Variants in RAPGEF2 observed in about 807,000 individuals in gnomAD.
RAPGEF2 encodes Rap guanine nucleotide exchange factor 2, also known as PDZ domain containing guanine nucleotide exchange factor (GEF) 1.
In RAPGEF2, 54 loss-of-function variants were observed where a neutral mutation model predicts 186.7. The observed-to-expected ratio is 0.29, with a 90% CI of 0.23 to 0.36. RAPGEF2 has a LOEUF of 0.36. Ranked by LOEUF, RAPGEF2 falls within the 10% of genes least tolerant of loss-of-function variation. The pLI is 1.00. For missense variants in RAPGEF2, 1,532 were observed against 2,045.0 expected (o/e 0.75, Z 4.84); for synonymous variants, 712 against 705.9 (o/e 1.01, Z -0.14).
At position 159,339,122 on chromosome 4, in the gene RAPGEF2, G is replaced by C; in HGVS notation, c.2302G>C (p.Asp768His). The change falls in exon 19 of 30, where the codon GAT (aspartate) becomes CAT (histidine). Residue 768 changes from aspartate (D) to histidine (H), a missense_variant. This residue lies in a region of RAPGEF2 where 810 missense variants were observed against 1,210.5 expected (regional missense o/e 0.67). Transcript: ENST00000691494. ...ATTTTTCTTTCCCCCAGACTTGCCA[G>C]ATCAAGTGCTAAGGGTTTTTAAGGC... The part of the protein sequence containing the change: ...LDFSATPDLP[D>H]QVLRVFKADQ... The C allele has an allele frequency of 3.1e-6, 5 of 1,613,178 alleles. No individual in the cohort carries two copies. The highest frequency in any genetic ancestry group is 3.4e-6 in the Non-Finnish European group (4 of 1,179,292).
intron 3 of RAPGEF2, among the ~76,000 whole-genome samples, chr4:159,194,129 G>A (rs1748385710): frequency 6.6e-6 from 1 of 152,216 alleles, no homozygotes; most frequent in South Asian, 2.1e-4. Flanking sequence ...TCTCAAAGAT[G>A]TGTCCCGGAG....
Position 159,135,488 on chromosome 4 carries a change from A to G in RAPGEF2, c.69+31257A>G, listed in dbSNP as rs537550220. 1.1e-3 allele frequency among the ~76,000 whole-genome samples: 170 copies of G among 152,372 alleles called. 1 individual carries two copies. The highest frequency in any genetic ancestry group is 3.8e-3 in the African/African-American group (160 of 41,594). ...ATGATGCTGTTATAAACATTCATGT[A>G]CAAGATTGCATTTCCTTTAATCATT... is the stretch of plus-strand genomic sequence containing the variant. On this transcript the variant is annotated intron_variant, in intron 1 of 29. Coordinates refer to ENST00000691494, the MANE Select transcript of RAPGEF2 (RefSeq NM_001394067.2).
chr4:159,218,491 C>G (rs1334080966), intron 4 of RAPGEF2, among the ~76,000 whole-genome samples: 2 of 152,274 alleles, frequency 1.3e-5, no homozygotes, highest in African/African-American at 4.8e-5. Flanking sequence ...CGCAGTGGCT[C>G]GTGCCTGTAA....
intron 7 of RAPGEF2, chr4:159,266,918 C>G (rs1466606291): frequency 1.0e-5 from 2 of 191,284 alleles, no homozygotes; most frequent in African/African-American, 4.6e-5. Context: ...GATTCCATCC[C>G]TCTGAGACTT....
intron 7 of RAPGEF2, among the ~76,000 whole-genome samples, chr4:159,292,683 A>G (rs989016343): frequency 6.6e-5 from 10 of 152,230 alleles, no homozygotes; most frequent in Admixed American, 1.3e-4. Context: ...AGCCTATTCA[A>G]TAAATTTTAT....
intron 1 of RAPGEF2, among the ~76,000 whole-genome samples, chr4:159,111,534 A>G (rs1369462371): frequency 6.6e-6 from 1 of 152,200 alleles, no homozygotes; most frequent in Non-Finnish European, 1.5e-5. Context: ...CACCCAACAT[A>G]AAAACGGAGA....
chr4:159,255,511 A>G (rs1393842015), intron 7 of RAPGEF2, among the ~76,000 whole-genome samples: 1 of 152,114 alleles, frequency 6.6e-6, no homozygotes, highest in Non-Finnish European at 1.5e-5. Flanking sequence ...TCTTTCGGTA[A>G]TCAGCTACTA....
chr4:159,342,329 A>G (rs1316630032), intron 20 of RAPGEF2, among the ~76,000 whole-genome samples: 2 of 151,990 alleles, frequency 1.3e-5, no homozygotes, highest in Non-Finnish European at 2.9e-5. Flanking sequence ...TAATGATGTA[A>G]TGTGTGTGGA....
intron 7 of RAPGEF2, among the ~76,000 whole-genome samples, chr4:159,276,315 A>C (rs1348074490): frequency 6.6e-6 from 1 of 152,184 alleles, no homozygotes; most frequent in African/African-American, 2.4e-5. Flanking sequence ...TTAAAAGTAT[A>C]CTTTTGTTCA....
At chr4:159,164,859 T>G (rs921354893) in intron 1 of RAPGEF2, among the ~76,000 whole-genome samples, 2 of 152,236 alleles carry the variant, frequency 1.3e-5, no homozygotes, top group Admixed American at 6.5e-5. Flanking sequence ...TTCCAGCGTA[T>G]TTTGTGACTT....
intron 7 of RAPGEF2, among the ~76,000 whole-genome samples, chr4:159,248,276 G>T (rs867668199): frequency 2.1e-4 from 32 of 152,084 alleles, no homozygotes; most frequent in African/African-American, 7.5e-4. Context: ...AACTGGATTA[G>T]GTAATAAAGA....
chr4:159,278,998 A>G (rs1176212697), intron 7 of RAPGEF2, among the ~76,000 whole-genome samples: 2 of 152,138 alleles, frequency 1.3e-5, no homozygotes, highest in African/African-American at 4.8e-5. Flanking sequence ...ACTGTCCTTA[A>G]GTTGGTTTGC....
At chr4:159,104,437 C>T (rs1024646730) in intron 1 of RAPGEF2, among the ~76,000 whole-genome samples, 2 of 150,730 alleles carry the variant, frequency 1.3e-5, no homozygotes, top group Admixed American at 1.3e-4. Context: ...TGACATTCTG[C>T]TCCTTAACTC....
At chr4:159,218,520 C>G (rs1157661994) in intron 4 of RAPGEF2, among the ~76,000 whole-genome samples, 1 of 152,168 alleles carries the variant, frequency 6.6e-6, no homozygotes, top group Non-Finnish European at 1.5e-5. Flanking sequence ...CTTTGGGAGG[C>G]TGAGGCAGGC....
At chr4:159,180,572 G>T (rs1216801650) in intron 1 of RAPGEF2, among the ~76,000 whole-genome samples, 1 of 152,170 alleles carries the variant, frequency 6.6e-6, no homozygotes, top group African/African-American at 2.4e-5. Flanking sequence ...CATGTGGGAT[G>T]ATGTACTGTA....
intron 7 of RAPGEF2, among the ~76,000 whole-genome samples, chr4:159,277,366 T>C (rs1484408824): frequency 6.6e-6 from 1 of 152,212 alleles, no homozygotes; most frequent in East Asian, 1.9e-4. Context: ...CTATTGTGAG[T>C]AGTGCCACAA....
At chr4:159,216,980 C>G (rs185199945) in intron 4 of RAPGEF2, among the ~76,000 whole-genome samples, 71 of 152,078 alleles carry the variant, frequency 4.7e-4, no homozygotes, top group Non-Finnish European at 1.6e-4. Context: ...AAACAATGAG[C>G]TACTTGAGTT....
chr4:159,324,510 A>G (rs1473341894), intron 11 of RAPGEF2, among the ~76,000 whole-genome samples: 1 of 152,238 alleles, frequency 6.6e-6, no homozygotes, highest in Non-Finnish European at 1.5e-5. Flanking sequence ...ATATGGAAGT[A>G]AAATGCACAT....
At chr4:159,195,734 A>T (rs944553965) in intron 3 of RAPGEF2, among the ~76,000 whole-genome samples, 3 of 151,232 alleles carry the variant, frequency 2.0e-5, no homozygotes, top group Non-Finnish European at 2.9e-5. Flanking sequence ...GTAAACACAC[A>T]CTCTCTCCCT....
Sources: gnomAD v4.1 joint callset for allele counts (sites outside exome capture counted in the v4.1 genomes callset) on GRCh38, gnomAD v4.1.1 for gene constraint, gnomAD v4.1.1 regional missense constraint, MANE v1.5 for transcripts, NCBI Gene and HGNC (gene_info 2026-07-23, HGNC 2026-07-21) for gene names.